CCPG1: variants seen among roughly 807,000 people sequenced by gnomAD.
The protein encoded by CCPG1 is cell cycle progression 1.
In CCPG1, 46 loss-of-function variants were observed where a neutral mutation model predicts 81.3. That is an observed-to-expected ratio of 0.57 (90% confidence interval 0.45 to 0.72). The LOEUF (loss-of-function observed/expected upper bound fraction) is 0.72. Ranked by LOEUF, CCPG1 falls within the 30% of genes least tolerant of loss-of-function variation. CCPG1 has a pLI of 0.00. For synonymous variants in CCPG1, 330 were observed against 305.2 expected (o/e 1.08, Z -0.85); for missense variants, 902 against 937.6 (o/e 0.96, Z 0.50).
At chr15:55,375,616 T>A (rs1187885376) in intron 5 of CCPG1, among the ~76,000 whole-genome samples, 1 of 152,108 alleles carries the variant, frequency 6.6e-6, no homozygotes, top group Non-Finnish European at 1.5e-5. Flanking sequence ...TTCACGTTCA[T>A]GTTTATAGGC....
rs942836883 is a variant in CCPG1 at position 55,371,801 on chromosome 15, T to C, written c.698A>G (p.His233Arg). The C allele has an allele frequency of 1.2e-6, 2 of 1,613,444 alleles. No individual in the cohort carries two copies. The highest frequency in any genetic ancestry group is 1.3e-5 in the African/African-American group (1 of 75,028). Reference sequence around the variant, plus strand: ...CATTTTTGAGTACTTACCATAGAAATGGCCAAATCCCATGCTGATTGCAAT... The same window carrying C: ...CATTTTTGAGTACTTACCATAGAAACGGCCAAATCCCATGCTGATTGCAAT... ...LVIAISMGFGHFYGTIQIQKR... is the reference protein window; with the variant it reads ...LVIAISMGFGRFYGTIQIQKR... Residue 233 changes from histidine (H) to arginine (R), a missense_variant, in exon 6 of 9, where the codon CAT becomes CGT. By Grantham distance (29) the His-to-Arg change is conservative (BLOSUM62 0). Around this residue, in one of 3 missense-constraint regions of CCPG1, gnomAD observed 746 missense variants for 728.6 expected, o/e 1.02. Transcript: ENST00000442196.
intron 3 of CCPG1, among the ~76,000 whole-genome samples, chr15:55,380,067 T>C (rs2056649032): frequency 7.0e-6 from 1 of 143,802 alleles, no homozygotes; most frequent in Admixed American, 7.1e-5. Flanking sequence ...GCCATTGCAC[T>C]ACAGCTTGGG....
At position 55,392,164 on chromosome 15, in the gene CCPG1, TAA is replaced by T. The variant is rs1307063590; in HGVS notation, c.-9-2733_-9-2732del. Among the ~76,000 whole-genome samples, 3 of 146,664 alleles carry T rather than the reference TAA, an allele frequency of 2.0e-5. No individual in the cohort carries two copies. In the South Asian group the frequency reaches 6.5e-4, roughly 32 times the overall value. Reference sequence around the variant, plus strand: ...GAAAGTTCTTTAAAAAAATAAAAAATAAAAAAGACAATCTAGTACAAATATAG... The same window carrying T: ...GAAAGTTCTTTAAAAAAATAAAAAATAAAAGACAATCTAGTACAAATATAG... On this transcript the variant is annotated intron_variant, in intron 1 of 8. Transcript: ENST00000442196.
At chr15:55,357,326 GTTTTTTCCTTTCC>G in intron 8 of CCPG1, 1 of 985,104 alleles carries the variant, frequency 1.0e-6, no homozygotes, top group African/African-American at 1.7e-5. Context: ...TTTTCCAAAT[GTTTTTTCCTTTCC>G]TCTCCTACTA....
At chr15:55,362,700 A>G (rs2056228349) in intron 7 of CCPG1, among the ~76,000 whole-genome samples, 1 of 152,190 alleles carries the variant, frequency 6.6e-6, no homozygotes, top group Non-Finnish European at 1.5e-5. Flanking sequence ...AAGAGCTTCA[A>G]AATCTATCTG....
In CCPG1 at chr15:55,355,981, A is replaced by C. The variant is rs2056070184; in HGVS notation, c.*239T>G. ...TGTTGCATGCCTGGCTTCCTTAATA[A>C]AACTACAGTTGAACATTTCCAGTGT... On this transcript the variant is annotated 3_prime_UTR_variant, in exon 9 of 9. Coordinates refer to ENST00000442196, the MANE Select transcript of CCPG1 (RefSeq NM_001204450.2). 2 of 476,236 alleles carry C rather than the reference A, an allele frequency of 4.2e-6. No individual in the cohort carries two copies. The highest frequency in any genetic ancestry group is 3.3e-5 in the South Asian group (1 of 30,748). The allele number at this position is 476,236 out of a possible 1,614,324, so 29.5% of individuals were successfully genotyped here.
chr15:55,385,998 G>C (rs1046353096), intron 2 of CCPG1, among the ~76,000 whole-genome samples: 1 of 152,078 alleles, frequency 6.6e-6, no homozygotes, highest in African/African-American at 2.4e-5. Flanking sequence ...CAGAGAATAA[G>C]GGTCTAAATT....
At position 55,355,356 on chromosome 15, in the gene CCPG1, A is replaced by T; in HGVS notation, c.*864T>A. On this transcript the variant is annotated 3_prime_UTR_variant, in exon 9 of 9. Transcript: ENST00000442196. ...GTTTTCTTCCACACTCACTTGCCAG[A>T]GGGTCGAATTGGAAGTCACATATAT... The T allele has an allele frequency of 6.2e-7, 1 of 1,610,922 alleles. No individual in the cohort carries two copies. Among genetic ancestry groups the T allele is most frequent in the Non-Finnish European group, 8.5e-7 (1 of 1,177,270 alleles).
intron 8 of CCPG1, chr15:55,358,518 A>T: frequency 1.0e-6 from 1 of 985,412 alleles, no homozygotes; most frequent in Non-Finnish European, 1.2e-6. Flanking sequence ...TCCTTAAAGC[A>T]GTGTATCTTC....
At chr15:55,406,915 G>C (rs759767334) in intron 1 of CCPG1, among the ~76,000 whole-genome samples, 1 of 151,714 alleles carries the variant, frequency 6.6e-6, no homozygotes, top group Non-Finnish European at 1.5e-5. Context: ...AGCGTAAAAG[G>C]TTAAAAATTA....
intron 3 of CCPG1, among the ~76,000 whole-genome samples, chr15:55,383,431 A>C (rs1405734214): frequency 6.6e-6 from 1 of 152,218 alleles, no homozygotes. Context: ...GTAAGTAAAC[A>C]CTGGCTTCAA....
chr15:55,383,927 T>A (rs539841957), intron 3 of CCPG1, among the ~76,000 whole-genome samples: 1 of 152,212 alleles, frequency 6.6e-6, no homozygotes, highest in Non-Finnish European at 1.5e-5. Flanking sequence ...TCCTTATCAT[T>A]CATGTGTTCA....
At chr15:55,379,828 G>C (rs2056644034) in intron 3 of CCPG1, among the ~76,000 whole-genome samples, 1 of 152,084 alleles carries the variant, frequency 6.6e-6, no homozygotes, top group African/African-American at 2.4e-5. Flanking sequence ...GCCGGGCACA[G>C]TGGCTCAAAC....
Position 55,372,022 on chromosome 15 carries a change from G to C in CCPG1, c.477C>G (p.Asp159Glu), listed in dbSNP as rs3203152. ...PETVFSSQPS[D>E]DESSSDETSN... ...TGGTTTCATCACTACTTGATTCATC[G>C]TCACTAGGCTGAGATGAAAATACTA... Residue 159 changes from aspartate (D) to glutamate (E), a missense_variant, in exon 6 of 9, where the codon GAC (aspartate) becomes GAG (glutamate). Asp to Glu is a conservative substitution (Grantham distance 45). Around this residue, in one of 3 missense-constraint regions of CCPG1, gnomAD observed 746 missense variants for 728.6 expected, o/e 1.02. Transcript: ENST00000442196. 203 of 1,613,264 alleles carry C rather than the reference G, an allele frequency of 1.3e-4. No homozygotes were observed. Among genetic ancestry groups the C allele is most frequent in the Non-Finnish European group, 3.2e-5 (38 of 1,179,516 alleles).
intron 5 of CCPG1, chr15:55,372,931 A>G (rs1490730726): frequency 1.9e-6 from 1 of 534,564 alleles, no homozygotes; most frequent in Non-Finnish European, 3.8e-6. Flanking sequence ...ATAGGTTTCC[A>G]GAAGTCAGAT....
chr15:55,380,516 T>C (rs1031696181), intron 3 of CCPG1, among the ~76,000 whole-genome samples: 3 of 151,646 alleles, frequency 2.0e-5, no homozygotes, highest in Admixed American at 1.3e-4. Context: ...AGGATGGTCT[T>C]GATCTCCTGA....
chr15:55,366,511 C>A (rs1487273987), intron 6 of CCPG1, among the ~76,000 whole-genome samples: 1 of 152,124 alleles, frequency 6.6e-6, no homozygotes, highest in Non-Finnish European at 1.5e-5. Context: ...GTAGCTCACG[C>A]CTGTAATCCC....
At chr15:55,401,060 C>T (rs529741836) in intron 1 of CCPG1, among the ~76,000 whole-genome samples, 16 of 152,278 alleles carry the variant, frequency 1.1e-4, no homozygotes, top group Non-Finnish European at 1.8e-4. Flanking sequence ...AATTATTCTC[C>T]TGTATTTTCT....
chr15:55,358,238 T>C, intron 8 of CCPG1: 1 of 351,080 alleles, frequency 2.8e-6, no homozygotes, highest in Non-Finnish European at 4.0e-6. Flanking sequence ...AGAACAAACC[T>C]ATGTGTGAGA....
Sources: gnomAD v4.1 joint callset for allele counts (sites outside exome capture counted in the v4.1 genomes callset) on GRCh38, gnomAD v4.1.1 for gene constraint, gnomAD v4.1.1 regional missense constraint, MANE v1.5 for transcripts, NCBI Gene and HGNC (gene_info 2026-07-23, HGNC 2026-07-21) for gene names.